Variants in TTLL9 observed in about 807,000 individuals in gnomAD.
The protein encoded by TTLL9 is probable tubulin polyglutamylase TTLL9.
A neutral mutation model predicts 65.6 loss-of-function variants in TTLL9; 47 were observed. The ratio of observed to expected loss-of-function variants is 0.72; its 90% confidence interval spans 0.57 to 0.91. The LOEUF (loss-of-function observed/expected upper bound fraction) is 0.91. TTLL9 is among the 40% of genes least tolerant of loss of function. TTLL9 has a pLI of 0.00. For missense variants in TTLL9, 537 were observed against 568.8 expected (o/e 0.94, Z 0.57); for synonymous variants, 179 against 204.8 (o/e 0.87, Z 1.07).
chr20:31,920,565 A>C (rs1017902155), intron 7 of TTLL9: 2 of 152,724 alleles, frequency 1.3e-5, no homozygotes, highest in Admixed American at 1.3e-4. Context: ...GGATGGCTGA[A>C]ATCCTATAGG....
chr20:31,929,278 T>C (rs1393570102), intron 10 of TTLL9, among the ~76,000 whole-genome samples: 1 of 152,240 alleles, frequency 6.6e-6, no homozygotes, highest in East Asian at 1.9e-4. Flanking sequence ...ACATGTCTAT[T>C]ATGAATTGTT....
At chr20:31,920,341 G>C (rs1375749187) in intron 7 of TTLL9, among the ~76,000 whole-genome samples, 1 of 152,104 alleles carries the variant, frequency 6.6e-6, no homozygotes, top group Non-Finnish European at 1.5e-5. Context: ...CACGTGGCTG[G>C]GGAGAGTTTG....
At chr20:31,889,724 T>A (rs1486011222) in intron 3 of TTLL9, among the ~76,000 whole-genome samples, 1 of 125,310 alleles carries the variant, frequency 8.0e-6, no homozygotes, top group Non-Finnish European at 1.7e-5. Context: ...CCGGCCTAGC[T>A]AATTTTTTTA....
chr20:31,873,729 A>G, intron 2 of TTLL9, among the ~76,000 whole-genome samples: 1 of 127,208 alleles, frequency 7.9e-6, no homozygotes, highest in East Asian at 2.0e-4. Flanking sequence ...AAAGAAAGAA[A>G]GAAAGAAAAA....
chr20:31,922,450 C>T (rs1177277023), intron 7 of TTLL9, among the ~76,000 whole-genome samples: 2 of 152,160 alleles, frequency 1.3e-5, no homozygotes, highest in African/African-American at 4.8e-5. Context: ...ACAAGCTCCC[C>T]GTTCCCTCCT....
At chr20:31,921,268 A>G (rs1046729979) in intron 7 of TTLL9, among the ~76,000 whole-genome samples, 5 of 152,220 alleles carry the variant, frequency 3.3e-5, no homozygotes, top group East Asian at 1.9e-4. Flanking sequence ...CAAAACCACA[A>G]TGAGATACCA....
chr20:31,941,989 A>G (rs998165174), intron 14 of TTLL9, among the ~76,000 whole-genome samples: 1 of 150,986 alleles, frequency 6.6e-6, no homozygotes, highest in African/African-American at 2.4e-5. Flanking sequence ...TTTGCACTGG[A>G]CAAGAAGACT....
intron 4 of TTLL9, among the ~76,000 whole-genome samples, chr20:31,905,286 G>A (rs1390177456): frequency 6.6e-6 from 1 of 151,998 alleles, no homozygotes; most frequent in African/African-American, 2.4e-5. Flanking sequence ...TGTTGGCCAG[G>A]CTGGTCTCAA....
intron 4 of TTLL9, among the ~76,000 whole-genome samples, chr20:31,902,149 A>G (rs1036531379): frequency 7.2e-5 from 11 of 152,096 alleles, no homozygotes; most frequent in African/African-American, 1.7e-4. Context: ...CAAAACCACT[A>G]TCTAATTCCA....
chr20:31,873,992 CAT>C (rs1291262135), intron 2 of TTLL9, among the ~76,000 whole-genome samples: 1 of 152,232 alleles, frequency 6.6e-6, no homozygotes, highest in Non-Finnish European at 1.5e-5. Flanking sequence ...TTAATTTACC[CAT>C]AGAGGGGCAA....
intron 11 of TTLL9, chr20:31,934,351 A>T (rs1186760243): frequency 7.6e-6 from 4 of 526,536 alleles, no homozygotes; most frequent in Non-Finnish European, 1.5e-5. Context: ...CCTTGTGCAT[A>T]CACAGCCCTG....
At chr20:31,942,920 A>G (rs776543067) in intron 14 of TTLL9, 25 bp from the exon 15 acceptor site, 2 of 1,613,792 alleles carry the variant, frequency 1.2e-6, no homozygotes, top group Non-Finnish European at 1.7e-6. Context: ...AGGTCATCCC[A>G]GCCAACACCC....
At chr20:31,891,526 G>A (rs1489817782) in intron 3 of TTLL9, among the ~76,000 whole-genome samples, 1 of 150,780 alleles carries the variant, frequency 6.6e-6, no homozygotes, top group East Asian at 1.9e-4. Context: ...TATTTGTAGA[G>A]ATGAGGTCTT....
intron 4 of TTLL9, chr20:31,901,447 T>G (rs1349436438): frequency 6.6e-6 from 1 of 152,168 alleles, no homozygotes; most frequent in Admixed American, 6.5e-5. Context: ...AAGAGGCAAT[T>G]TGATGTCTTC....
chr20:31,924,869 G>T, intron 8 of TTLL9, 140 bp from the exon 9 acceptor site: 1 of 915,732 alleles, frequency 1.1e-6, no homozygotes, highest in South Asian at 1.4e-5. Context: ...GAGGCACCGC[G>T]CCTAGCCCCT....
intron 4 of TTLL9, among the ~76,000 whole-genome samples, chr20:31,903,697 T>C (rs920046703): frequency 1.8e-4 from 27 of 152,350 alleles, no homozygotes; most frequent in African/African-American, 6.3e-4. Context: ...TTTTAAACTT[T>C]TTTATTTTGA....
At chr20:31,887,515 C>T (rs1164823956) in intron 3 of TTLL9, among the ~76,000 whole-genome samples, 1 of 152,216 alleles carries the variant, frequency 6.6e-6, no homozygotes, top group African/African-American at 2.4e-5. Flanking sequence ...CTCAAAAAGG[C>T]TAAGTGACTT....
chr20:31,911,892 C>T (rs1443891297), intron 6 of TTLL9, among the ~76,000 whole-genome samples: 2 of 147,472 alleles, frequency 1.4e-5, no homozygotes, highest in African/African-American at 5.0e-5. Flanking sequence ...TCCCAAATTG[C>T]GAGGCACCCT....
At chr20:31,909,950 G>T (rs200175427) in intron 6 of TTLL9, 28 bp downstream of exon 6, 2 of 1,539,668 alleles carry the variant, frequency 1.3e-6, no homozygotes, top group South Asian at 1.1e-5. Context: ...GGGGCTGGGT[G>T]GGAGGGAATG....
Sources: allele counts gnomAD v4.1 joint callset (sites outside exome capture counted in the v4.1 genomes callset), GRCh38; gene constraint gnomAD v4.1.1; transcripts MANE v1.5; gene names NCBI Gene and HGNC (gene_info 2026-07-23, HGNC 2026-07-21).